TNFSF4: variants seen among roughly 807,000 people sequenced by gnomAD.
TNFSF4 encodes tumor necrosis factor ligand superfamily member 4.
A neutral mutation model predicts 7.3 loss-of-function variants in TNFSF4; 4 were observed. That is an observed-to-expected ratio of 0.55 (90% CI 0.27 to 1.25). The LOEUF is 1.25. Ranked by LOEUF, TNFSF4 falls within the 50% of genes most tolerant of loss-of-function variation. The pLI is 0.12. For synonymous variants in TNFSF4, 76 were observed against 83.7 expected, an observed-to-expected ratio of 0.91 and a Z score of 0.50; for missense variants, 181 against 208.8, an observed-to-expected ratio of 0.87 and a Z score of 0.82.
the TNFSF4 span, among the ~76,000 whole-genome samples, chr1:173,359,510 TAAAAAAAAAAAAA>T: frequency 4.5e-4 from 55 of 122,742 alleles, no homozygotes; most frequent in African/African-American, 1.5e-3. Context: ...TTACCAGCTG[TAAAAAAAAAAAAA>T]AAAAAAAAAA....
At chr1:173,419,153 C>T in the TNFSF4 span, among the ~76,000 whole-genome samples, 1 of 152,116 alleles carries the variant, frequency 6.6e-6, no homozygotes, top group African/African-American at 2.4e-5. Flanking sequence ...TCCTGGCTAA[C>T]ACGGTGAAAC....
the TNFSF4 span, among the ~76,000 whole-genome samples, chr1:173,447,875 T>C: frequency 6.6e-6 from 1 of 152,082 alleles, no homozygotes; most frequent in Non-Finnish European, 1.5e-5. Flanking sequence ...CCTAACTATC[T>C]ACAAGAAACC....
At chr1:173,450,437 G>T in the TNFSF4 span, among the ~76,000 whole-genome samples, 1 of 152,004 alleles carries the variant, frequency 6.6e-6, no homozygotes, top group East Asian at 1.9e-4. Context: ...TATGAGATTG[G>T]CATTACCCAA....
the TNFSF4 span, among the ~76,000 whole-genome samples, chr1:173,433,132 C>A: frequency 1.3e-5 from 2 of 152,120 alleles, no homozygotes; most frequent in Non-Finnish European, 2.9e-5. Flanking sequence ...GATGTCAAGT[C>A]TCAGGAGTAC....
At chr1:173,235,629 G>A in the TNFSF4 span, among the ~76,000 whole-genome samples, 1 of 152,196 alleles carries the variant, frequency 6.6e-6, no homozygotes, top group African/African-American at 2.4e-5. Context: ...TTTTCACTGT[G>A]GGCATGTTTA....
chr1:173,233,737 CT>C, the TNFSF4 span, among the ~76,000 whole-genome samples: 2 of 152,038 alleles, frequency 1.3e-5, no homozygotes, highest in East Asian at 3.8e-4. Flanking sequence ...AAGACTATTT[CT>C]TTTTTTGAGT....
chr1:173,283,864 T>C, the TNFSF4 span, among the ~76,000 whole-genome samples: 1 of 145,240 alleles, frequency 6.9e-6, no homozygotes, highest in African/African-American at 2.6e-5. Flanking sequence ...ACAATAATAG[T>C]ACATAGGTCA....
upstream of TNFSF4, among the ~76,000 whole-genome samples, chr1:173,212,041 C>A (rs1650390070): frequency 6.6e-6 from 1 of 152,150 alleles, no homozygotes; most frequent in Admixed American, 6.5e-5. Context: ...CATGGTGCTT[C>A]TACTCATAGT....
the TNFSF4 span, among the ~76,000 whole-genome samples, chr1:173,394,217 A>T: frequency 4.5e-5 from 2 of 44,420 alleles, no homozygotes; most frequent in Non-Finnish European, 1.0e-4. Context: ...CTCCATCTTT[A>T]AAAAAAAAAA....
chr1:173,424,896 G>A, the TNFSF4 span, among the ~76,000 whole-genome samples: 13 of 152,288 alleles, frequency 8.5e-5, no homozygotes, highest in African/African-American at 2.2e-4. Flanking sequence ...TGAAGAATGC[G>A]ACCAGACAGG....
At chr1:173,256,879 A>C in the TNFSF4 span, among the ~76,000 whole-genome samples, 4 of 152,238 alleles carry the variant, frequency 2.6e-5, no homozygotes, top group Non-Finnish European at 5.9e-5. Flanking sequence ...CTTACTCTTG[A>C]ATTCATAGCT....
chr1:173,442,140 T>A, the TNFSF4 span: 1 of 152,272 alleles, frequency 6.6e-6, no homozygotes, highest in East Asian at 1.9e-4. Context: ...GTTGTAGTAT[T>A]TTCTGCTTTC....
the TNFSF4 span, among the ~76,000 whole-genome samples, chr1:173,411,515 T>C: frequency 1.3e-5 from 2 of 152,192 alleles, no homozygotes; most frequent in East Asian, 3.8e-4. Flanking sequence ...CAAGAAATAG[T>C]TAGGCTGAGT....
chr1:173,412,704 G>T, the TNFSF4 span, among the ~76,000 whole-genome samples: 1 of 152,144 alleles, frequency 6.6e-6, no homozygotes, highest in East Asian at 1.9e-4. Flanking sequence ...TTAAAAATGG[G>T]TAAAATTTCC....
At chr1:173,322,997 G>T in the TNFSF4 span, among the ~76,000 whole-genome samples, 2 of 152,208 alleles carry the variant, frequency 1.3e-5, no homozygotes, top group Admixed American at 1.3e-4. Context: ...AGAATCCTCT[G>T]CAGACTTAAA....
chr1:173,229,242 A>T, the TNFSF4 span, among the ~76,000 whole-genome samples: 1 of 152,250 alleles, frequency 6.6e-6, no homozygotes, highest in Non-Finnish European at 1.5e-5. Context: ...TCTCAGCAGA[A>T]ACAATACAAG....
chr1:173,238,063 T>C, the TNFSF4 span, among the ~76,000 whole-genome samples: 2 of 151,900 alleles, frequency 1.3e-5, no homozygotes, highest in African/African-American at 4.8e-5. Flanking sequence ...AACAGACACA[T>C]AGAACAATGG....
chr1:173,340,361 C>T, the TNFSF4 span, among the ~76,000 whole-genome samples: 1 of 150,406 alleles, frequency 6.6e-6, no homozygotes, highest in Non-Finnish European at 1.5e-5. Context: ...CACACACACA[C>T]ACACACATAC....
the TNFSF4 span, among the ~76,000 whole-genome samples, chr1:173,408,415 T>C: frequency 0.14 from 21,505 of 152,142 alleles, 2,038 homozygotes; most frequent in Middle Eastern, 0.29. Flanking sequence ...AAATAATTGA[T>C]TGATTAATAA....
Sources: gnomAD v4.1 joint callset for allele counts (sites outside exome capture counted in the v4.1 genomes callset) on GRCh38, gnomAD v4.1.1 for gene constraint, MANE v1.5 for transcripts, NCBI Gene and HGNC (gene_info 2026-07-23, HGNC 2026-07-21) for gene names.